Variants in CPNE8 observed in about 807,000 individuals in gnomAD.
The protein encoded by CPNE8 is copine-8.
In CPNE8, 45 loss-of-function variants were observed where a neutral mutation model predicts 81.5. The ratio of observed to expected loss-of-function variants is 0.55; its 90% CI spans 0.44 to 0.71. The LOEUF (loss-of-function observed/expected upper bound fraction) is 0.71, where lower values mean the gene tolerates loss of function less well. Ranked by LOEUF, CPNE8 falls within the 30% of genes least tolerant of loss-of-function variation. The pLI is 0.00. For synonymous variants in CPNE8, 252 were observed against 226.3 expected (o/e 1.11, Z -1.02); for missense variants, 594 against 672.1 (o/e 0.88, Z 1.28).
intron 3 of CPNE8, among the ~76,000 whole-genome samples, chr12:38,856,067 C>T (rs1943728714): frequency 6.6e-6 from 1 of 151,816 alleles, no homozygotes; most frequent in South Asian, 2.1e-4. Flanking sequence ...CTATTATGAA[C>T]AACTTTAGCC....
intron 10 of CPNE8, among the ~76,000 whole-genome samples, chr12:38,741,333 G>C (rs1341192690): frequency 1.3e-5 from 2 of 152,074 alleles, no homozygotes; most frequent in Non-Finnish European, 2.9e-5. Flanking sequence ...CCAAAACAGA[G>C]ATATAGACCA....
chr12:38,703,049 A>G (rs967511673), intron 13 of CPNE8, 128 bp from the exon 14 acceptor site: 18 of 580,474 alleles, frequency 3.1e-5, no homozygotes, highest in Non-Finnish European at 5.0e-5. Flanking sequence ...AATATATTAC[A>G]GTACATATTG....
intron 13 of CPNE8, among the ~76,000 whole-genome samples, chr12:38,723,122 A>G (rs895934536): frequency 2.0e-5 from 3 of 152,188 alleles, no homozygotes; most frequent in Non-Finnish European, 1.5e-5. Flanking sequence ...GCAGTGTGAG[A>G]ACAGACTAAT....
Position 38,905,365 on chromosome 12 carries a change from C to T in CPNE8, c.98+72G>A, listed in dbSNP as rs556753664. The T allele has an allele frequency of 1.7e-5, 25 of 1,503,418 alleles. No individual in the cohort carries two copies. In the South Asian group the frequency reaches 2.7e-4, roughly 16 times the overall value. The allele number at this position is 1,503,418 out of a possible 1,614,324, so 93.1% of individuals were successfully genotyped here. A position where few individuals can be genotyped will look rare whatever the true frequency, so the allele number is the denominator to read the frequency against. ...TGCCTGCGCAAAGCCTCGTGGTACCCCGAGCGCTCTCCAAGTGCTACCAAC... is the reference window on the plus strand; with the variant it reads ...TGCCTGCGCAAAGCCTCGTGGTACCTCGAGCGCTCTCCAAGTGCTACCAAC... On this transcript the variant is annotated intron_variant, in intron 1 of 19. Coordinates refer to ENST00000331366, the MANE Select transcript of CPNE8 (RefSeq NM_153634.3).
intron 2 of CPNE8, among the ~76,000 whole-genome samples, chr12:38,873,904 C>T (rs554591460): frequency 1.3e-5 from 2 of 152,172 alleles, no homozygotes; most frequent in African/African-American, 4.8e-5. Context: ...TCAGATGTTA[C>T]ATATTTCACT....
intron 6 of CPNE8, among the ~76,000 whole-genome samples, chr12:38,800,063 G>A (rs11534915): frequency 0.066 from 8,407 of 127,448 alleles, 487 homozygotes; most frequent in East Asian, 0.29. Context: ...ACTGCAAGGC[G>A]GCAACGAGGC....
intron 12 of CPNE8, 37 bp from the exon 13 acceptor site, chr12:38,723,870 T>C (rs1261401958): frequency 2.5e-6 from 3 of 1,222,254 alleles, no homozygotes; most frequent in Admixed American, 1.9e-5. Context: ...TTCTAGTTGT[T>C]TGTGACCCCA....
intron 4 of CPNE8, 138 bp downstream of exon 4, chr12:38,848,421 G>T (rs1404955501): frequency 2.2e-6 from 3 of 1,344,620 alleles, no homozygotes; most frequent in South Asian, 1.8e-5. Context: ...GCTTGCTTGG[G>T]CCACACTCTG....
chr12:38,680,313 A>G (rs990426021), intron 16 of CPNE8, among the ~76,000 whole-genome samples: 1 of 152,028 alleles, frequency 6.6e-6, no homozygotes, highest in African/African-American at 2.4e-5. Flanking sequence ...AAGTAGTTCA[A>G]TTATGATTTG....
chr12:38,774,170 A>G (rs1309133981), intron 7 of CPNE8, among the ~76,000 whole-genome samples: 1 of 152,154 alleles, frequency 6.6e-6, no homozygotes, highest in Non-Finnish European at 1.5e-5. Flanking sequence ...GATATTTAGG[A>G]TGCAGCCTGT....
At chr12:38,872,020 A>G (rs557778170) in intron 3 of CPNE8, among the ~76,000 whole-genome samples, 3 of 152,270 alleles carry the variant, frequency 2.0e-5, no homozygotes, top group African/African-American at 7.2e-5. Context: ...CTGTAATCTC[A>G]GCTACTCGGG....
At chr12:38,873,076 A>C in intron 2 of CPNE8, 26 bp from the exon 3 acceptor site, 1 of 1,386,272 alleles carries the variant, frequency 7.2e-7, no homozygotes. Context: ...AAATACGCAC[A>C]TATAAATGTC....
chr12:38,733,731 G>A (rs1940889460), intron 10 of CPNE8, among the ~76,000 whole-genome samples: 1 of 151,854 alleles, frequency 6.6e-6, no homozygotes, highest in Non-Finnish European at 1.5e-5. Context: ...AATTAAACAC[G>A]TATTTTGAGC....
intron 6 of CPNE8, among the ~76,000 whole-genome samples, chr12:38,809,207 T>A (rs1359846365): frequency 6.6e-6 from 1 of 152,190 alleles, no homozygotes; most frequent in Non-Finnish European, 1.5e-5. Flanking sequence ...GAATTCTGCT[T>A]AGGATCTCAC....
chr12:38,678,030 A>G (rs1312818087), intron 16 of CPNE8, among the ~76,000 whole-genome samples: 1 of 152,112 alleles, frequency 6.6e-6, no homozygotes, highest in African/African-American at 2.4e-5. Context: ...CATTGTATAA[A>G]TGATAGCAAT....
chr12:38,881,540 A>G (rs556414471), intron 1 of CPNE8, among the ~76,000 whole-genome samples: 1 of 152,330 alleles, frequency 6.6e-6, no homozygotes, highest in Admixed American at 6.5e-5. Flanking sequence ...TGTTCAAAGT[A>G]CTTATTACTA....
At chr12:38,906,508 A>T, upstream of CPNE8, 1 of 985,730 alleles carries the variant, frequency 1.0e-6, no homozygotes, top group Non-Finnish European at 1.2e-6. Flanking sequence ...TGACCTGAAA[A>T]TGGGGGCCGG....
intron 19 of CPNE8, among the ~76,000 whole-genome samples, chr12:38,666,584 G>A (rs547612876): frequency 1.3e-5 from 2 of 152,270 alleles, no homozygotes; most frequent in South Asian, 4.1e-4. Flanking sequence ...TGAGGAGGAA[G>A]AGTATTCCAG....
At position 38,764,498 on chromosome 12, in the gene CPNE8, T is replaced by A. The variant is rs188172273; in HGVS notation, c.576-2282A>T. ...CGGGCGTAGTGGCGGGCGCCTGTAG[T>A]CCCAGCTACTTGGGAGGCTGAGGCA... On this transcript the variant is annotated intron_variant, in intron 8 of 19. Transcript: ENST00000331366. Among the ~76,000 whole-genome samples, 1,442 of 147,660 alleles carry A rather than the reference T, an allele frequency of 9.8e-3. 11 individuals carry two copies. The highest frequency in any genetic ancestry group is 0.021 in the Middle Eastern group (6 of 288).
Sources: gnomAD v4.1 joint callset for allele counts (sites outside exome capture counted in the v4.1 genomes callset) on GRCh38, gnomAD v4.1.1 for gene constraint, MANE v1.5 for transcripts, NCBI Gene and HGNC (gene_info 2026-07-23, HGNC 2026-07-21) for gene names.